The following CDH18 variants were observed in gnomAD, a reference collection of about 807,000 sequenced individuals.
CDH18 encodes the protein cadherin-18.
In CDH18, 31 loss-of-function variants were observed where a neutral mutation model predicts 67.9. The observed-to-expected ratio is 0.46, with a 90% confidence interval of 0.34 to 0.62. The LOEUF is 0.62. Among genes scored for constraint, CDH18 ranks in the 20% least tolerant of loss-of-function variants. The pLI is 0.01. For synonymous variants in CDH18, 362 were observed against 347.2 expected (o/e 1.04, Z -0.48); for missense variants, 890 against 975.5 (o/e 0.91, Z 1.17).
intron 7 of CDH18, among the ~76,000 whole-genome samples, chr5:19,580,156 G>C (rs1297950641): frequency 6.6e-6 from 1 of 151,596 alleles, no homozygotes; most frequent in African/African-American, 2.4e-5. Context: ...AAAGTTTTTT[G>C]GTTATAATTT....
chr5:19,517,688 G>C (rs916709490), intron 10 of CDH18, among the ~76,000 whole-genome samples: 1 of 151,952 alleles, frequency 6.6e-6, no homozygotes, highest in Non-Finnish European at 1.5e-5. Flanking sequence ...TGAGTGTTTG[G>C]CTTGATATTT....
chr5:20,008,665 G>C (rs1737138039), intron 2 of CDH18, among the ~76,000 whole-genome samples: 1 of 152,142 alleles, frequency 6.6e-6, no homozygotes, highest in African/African-American at 2.4e-5. Context: ...TCCAGCACAA[G>C]ATAATTCAAT....
intron 5 of CDH18, among the ~76,000 whole-genome samples, chr5:19,708,311 G>C (rs1208345818): frequency 6.6e-6 from 1 of 152,166 alleles, no homozygotes; most frequent in Non-Finnish European, 1.5e-5. Flanking sequence ...AAAACACCTG[G>C]AGGCTCTGTG....
At chr5:19,589,538 A>T (rs1180870841) in intron 7 of CDH18, among the ~76,000 whole-genome samples, 1 of 152,148 alleles carries the variant, frequency 6.6e-6, no homozygotes, top group African/African-American at 2.4e-5. Flanking sequence ...ATATTTATTG[A>T]ATGCCAACTC....
intron 2 of CDH18, among the ~76,000 whole-genome samples, chr5:19,865,144 C>T (rs1433162236): frequency 2.6e-5 from 4 of 152,010 alleles, no homozygotes; most frequent in South Asian, 2.1e-4. Flanking sequence ...CAAAATAAAC[C>T]GTCTGCATGC....
At chr5:20,267,281 C>A (rs1188329140) in intron 1 of CDH18, among the ~76,000 whole-genome samples, 1 of 152,092 alleles carries the variant, frequency 6.6e-6, no homozygotes, top group East Asian at 1.9e-4. Flanking sequence ...TGTTTTGTTC[C>A]ATTTTTCTAT....
At chr5:20,270,836 A>T (rs997511859) in intron 1 of CDH18, among the ~76,000 whole-genome samples, 1 of 152,188 alleles carries the variant, frequency 6.6e-6, no homozygotes, top group East Asian at 1.9e-4. Context: ...TTGCAGGAAC[A>T]TGAATGGAGT....
intron 3 of CDH18, among the ~76,000 whole-genome samples, chr5:19,822,624 AG>A (rs1779990725): frequency 6.6e-6 from 1 of 152,166 alleles, no homozygotes; most frequent in Non-Finnish European, 1.5e-5. Flanking sequence ...TGATTTTCAA[AG>A]GGGAGGGAGT....
chr5:20,279,467 G>C (rs1746055155), intron 1 of CDH18, among the ~76,000 whole-genome samples: 1 of 151,892 alleles, frequency 6.6e-6, no homozygotes, highest in Admixed American at 6.6e-5. Flanking sequence ...GGGAGGCCGA[G>C]GCAGGTGGAT....
At chr5:20,060,643 T>C (rs991187825) in intron 2 of CDH18, among the ~76,000 whole-genome samples, 1 of 152,120 alleles carries the variant, frequency 6.6e-6, no homozygotes, top group African/African-American at 2.4e-5. Flanking sequence ...GCATACATAA[T>C]TTAGTAGAAG....
At chr5:20,365,473 T>A (rs543728044) in intron 1 of CDH18, among the ~76,000 whole-genome samples, 1 of 152,176 alleles carries the variant, frequency 6.6e-6, no homozygotes, top group South Asian at 2.1e-4. Flanking sequence ...TATACTTCAA[T>A]ATATTTAGAC....
intron 2 of CDH18, among the ~76,000 whole-genome samples, chr5:19,920,811 C>T (rs73059672): frequency 0.018 from 2,725 of 151,710 alleles, 63 homozygotes; most frequent in African/African-American, 0.059. Flanking sequence ...CGTGCCCGGC[C>T]CCATTTAACC....
intron 4 of CDH18, among the ~76,000 whole-genome samples, chr5:19,732,495 C>A (rs577311344): frequency 3.9e-5 from 6 of 152,036 alleles, no homozygotes; most frequent in East Asian, 3.9e-4. Flanking sequence ...CAGAGTGAGA[C>A]CTTGTCTCAA....
intron 2 of CDH18, among the ~76,000 whole-genome samples, chr5:20,030,407 T>A (rs1739294693): frequency 6.6e-6 from 1 of 152,194 alleles, no homozygotes; most frequent in Non-Finnish European, 1.5e-5. Context: ...AGATATTTCA[T>A]GGACTACATC....
At chr5:19,540,457 T>G (rs1000324193) in intron 9 of CDH18, among the ~76,000 whole-genome samples, 3 of 152,092 alleles carry the variant, frequency 2.0e-5, no homozygotes, top group African/African-American at 4.8e-5. Context: ...AGCGCCCCAG[T>G]GGAAACTCTG....
intron 1 of CDH18, among the ~76,000 whole-genome samples, chr5:20,548,875 G>C (rs1235598379): frequency 1.3e-5 from 2 of 152,118 alleles, no homozygotes; most frequent in Non-Finnish European, 2.9e-5. Context: ...AAAATCTTAA[G>C]TGTACTGGTG....
At chr5:19,661,075 A>G (rs900672315) in intron 5 of CDH18, among the ~76,000 whole-genome samples, 2 of 152,056 alleles carry the variant, frequency 1.3e-5, no homozygotes, top group African/African-American at 2.4e-5. Flanking sequence ...AGACAAAGAT[A>G]AAACAGTAGA....
intron 5 of CDH18, among the ~76,000 whole-genome samples, chr5:19,660,631 G>A (rs1436636116): frequency 6.6e-6 from 1 of 152,024 alleles, no homozygotes; most frequent in Non-Finnish European, 1.5e-5. Context: ...TTTCTTTTCT[G>A]ACTTCCTCAA....
At chr5:20,376,989 C>A (rs1297029421) in intron 1 of CDH18, among the ~76,000 whole-genome samples, 2 of 150,164 alleles carry the variant, frequency 1.3e-5, no homozygotes, top group Admixed American at 1.3e-4. Context: ...TGCACCCCAA[C>A]CTGGGTGACA....
Sources: allele counts gnomAD v4.1 joint callset (sites outside exome capture counted in the v4.1 genomes callset), GRCh38; gene constraint gnomAD v4.1.1; transcripts MANE v1.5; gene names NCBI Gene and HGNC (gene_info 2026-07-23, HGNC 2026-07-21).